ANKFN1: variants seen among roughly 807,000 people sequenced by gnomAD.
ANKFN1 encodes the protein ankyrin repeat and fibronectin type-III domain-containing protein 1.
In ANKFN1, 74 loss-of-function variants were observed where a neutral mutation model predicts 108.7. The ratio of observed to expected loss-of-function variants is 0.68; its 90% confidence interval spans 0.56 to 0.83. The LOEUF is 0.83. Ranked by LOEUF, ANKFN1 falls within the 40% of genes least tolerant of loss-of-function variation. The pLI is 0.00. For synonymous variants in ANKFN1, 547 were observed against 516.2 expected, an observed-to-expected ratio of 1.06 and a Z score of -0.81; for missense variants, 1,505 against 1,382.3, an observed-to-expected ratio of 1.09 and a Z score of -1.41.
chr17:56,344,858 G>GT (rs1598434010), intron 4 of ANKFN1, among the ~76,000 whole-genome samples: 1 of 151,734 alleles, frequency 6.6e-6, no homozygotes, highest in Admixed American at 6.6e-5. Context: ...ACAGGCTACT[G>GT]TTTTTTTGTT....
intron 1 of ANKFN1, among the ~76,000 whole-genome samples, chr17:56,177,098 C>T (rs1221153642): frequency 6.6e-6 from 1 of 152,166 alleles, no homozygotes; most frequent in Non-Finnish European, 1.5e-5. Context: ...TGAAAGGCCC[C>T]CCTGCCCTTT....
chr17:56,195,958 A>T (rs77086505), intron 1 of ANKFN1, among the ~76,000 whole-genome samples: 2 of 152,212 alleles, frequency 1.3e-5, no homozygotes, highest in Non-Finnish European at 1.5e-5. Flanking sequence ...ATAAAAAGGG[A>T]TACTTAAGAG....
intron 3 of ANKFN1, among the ~76,000 whole-genome samples, chr17:56,295,277 T>G (rs1281652526): frequency 6.6e-6 from 1 of 152,208 alleles, no homozygotes; most frequent in African/African-American, 2.4e-5. Context: ...GGCAATGCAG[T>G]ATGAATTCAA....
chr17:56,160,293 G>C (rs1325286810), intron 1 of ANKFN1, among the ~76,000 whole-genome samples: 2 of 152,226 alleles, frequency 1.3e-5, no homozygotes, highest in Non-Finnish European at 2.9e-5. Context: ...GTGTAGTGGA[G>C]AGAAAGGTAA....
intron 8 of ANKFN1, among the ~76,000 whole-genome samples, chr17:56,425,794 T>C (rs1434882091): frequency 1.3e-5 from 2 of 152,234 alleles, no homozygotes; most frequent in Non-Finnish European, 2.9e-5. Context: ...TGAGCCTGCC[T>C]CTATCATTAC....
chr17:56,201,549 C>T (rs1041747737), intron 1 of ANKFN1, among the ~76,000 whole-genome samples: 2 of 151,928 alleles, frequency 1.3e-5, no homozygotes, highest in Non-Finnish European at 2.9e-5. Flanking sequence ...ATAATGTATC[C>T]TTAATAAATA....
chr17:56,273,157 A>G (rs1054684320), intron 3 of ANKFN1, among the ~76,000 whole-genome samples: 2 of 152,228 alleles, frequency 1.3e-5, no homozygotes, highest in African/African-American at 4.8e-5. Flanking sequence ...ATATTTATAC[A>G]TAATACAAGA....
chr17:56,190,575 A>G (rs925637757), intron 1 of ANKFN1, among the ~76,000 whole-genome samples: 3 of 124,826 alleles, frequency 2.4e-5, no homozygotes, highest in African/African-American at 9.5e-5. Context: ...GTGGTCTGAG[A>G]GATAGTTTGT....
intron 8 of ANKFN1, among the ~76,000 whole-genome samples, chr17:56,393,384 C>T (rs542914232): frequency 2.0e-5 from 3 of 152,318 alleles, no homozygotes; most frequent in Non-Finnish European, 4.4e-5. Flanking sequence ...CATACAGAAC[C>T]AGCCACTTAC....
chr17:56,325,953 GT>G (rs1412301097), intron 3 of ANKFN1, among the ~76,000 whole-genome samples: 1 of 152,146 alleles, frequency 6.6e-6, no homozygotes, highest in Non-Finnish European at 1.5e-5. Flanking sequence ...TCCGCAAGCC[GT>G]TTCAAATGGT....
chr17:56,493,896 ATC>A (rs2051116406), intron 19 of ANKFN1, among the ~76,000 whole-genome samples: 1 of 152,258 alleles, frequency 6.6e-6, no homozygotes, highest in South Asian at 2.1e-4. Context: ...GGGCAAAGAA[ATC>A]TCTCTCAGTC....
chr17:56,247,177 A>T (rs1918017751), intron 3 of ANKFN1, among the ~76,000 whole-genome samples: 2 of 152,230 alleles, frequency 1.3e-5, no homozygotes, highest in Non-Finnish European at 2.9e-5. Context: ...CTTTGCAGAA[A>T]ACATTGGCAT....
chr17:56,187,699 T>C (rs940638583), intron 1 of ANKFN1, among the ~76,000 whole-genome samples: 10 of 152,140 alleles, frequency 6.6e-5, no homozygotes, highest in African/African-American at 2.2e-4. Flanking sequence ...CCATCAATGA[T>C]AGACTGGATT....
At chr17:56,360,985 C>T (rs149586642) in intron 6 of ANKFN1, among the ~76,000 whole-genome samples, 2 of 152,184 alleles carry the variant, frequency 1.3e-5, no homozygotes, top group African/African-American at 4.8e-5. Context: ...ATCAATATCT[C>T]CCTATTTTCC....
At chr17:56,354,076 T>A (rs2046315827) in intron 6 of ANKFN1, 30 bp downstream of exon 6, 1 of 1,603,854 alleles carries the variant, frequency 6.2e-7, no homozygotes, top group African/African-American at 1.3e-5. Flanking sequence ...ACACATGTAC[T>A]ATTAAAGCCA....
At chr17:56,170,775 TATATA>T (rs1347113802) in intron 1 of ANKFN1, among the ~76,000 whole-genome samples, 81 of 50,256 alleles carry the variant, frequency 1.6e-3, no homozygotes, top group Admixed American at 7.0e-3. Flanking sequence ...AAAAATTTTT[TATATA>T]TATATATATA....
At chr17:56,466,326 C>T in intron 14 of ANKFN1, 30 bp from the exon 15 acceptor site, 2 of 1,577,420 alleles carry the variant, frequency 1.3e-6, no homozygotes, top group Non-Finnish European at 1.7e-6. Context: ...ATAATACCCT[C>T]TATGCTACCG....
chr17:56,320,971 AC>A (rs1470636007), intron 3 of ANKFN1, among the ~76,000 whole-genome samples: 3 of 151,908 alleles, frequency 2.0e-5, no homozygotes, highest in Non-Finnish European at 4.4e-5. Flanking sequence ...ATATTTTGAG[AC>A]CGTTACTTTT....
At chr17:56,103,717 G>T (rs1040215469) in intron 4 of ANKFN1, among the ~76,000 whole-genome samples, 1 of 152,234 alleles carries the variant, frequency 6.6e-6, no homozygotes, top group Non-Finnish European at 1.5e-5. Flanking sequence ...TGCTCCCAGA[G>T]TTCCCAGTCT....
Sources: gnomAD v4.1 joint callset for allele counts (sites outside exome capture counted in the v4.1 genomes callset) on GRCh38, gnomAD v4.1.1 for gene constraint, MANE v1.5 for transcripts, NCBI Gene and HGNC (gene_info 2026-07-23, HGNC 2026-07-21) for gene names.